DMRT1: variants seen among roughly 807,000 people sequenced by gnomAD.
DMRT1 encodes the protein doublesex and mab-3 related transcription factor 1, also known as doublesex- and mab-3-related transcription factor 1.
DMRT1 carries 7 observed loss-of-function variants against 32.3 expected under a neutral mutation model. The ratio of observed to expected loss-of-function variants is 0.22; its 90% CI spans 0.12 to 0.41. DMRT1 has a LOEUF of 0.41. Ranked by LOEUF, DMRT1 falls within the 10% of genes least tolerant of loss-of-function variation. The probability of loss-of-function intolerance (pLI) is 1.00; values close to 1 mark genes in which losing one functional copy is unlikely to be tolerated. For synonymous variants in DMRT1, 278 were observed against 206.1 expected, an observed-to-expected ratio of 1.35 and a Z score of -2.99; for missense variants, 625 against 500.5, an observed-to-expected ratio of 1.25 and a Z score of -2.37.
chr9:894,114 C>G lies in DMRT1; in HGVS notation c.741C>G (p.Pro247=), dbSNP rs1817258247. ...CTGCTTCTGGGGAGGTGGGAAATCC[C>G]CTCGGGGGATCCCCTGTGAAGAACA... The part of the protein sequence containing the change: ...ADSASGEVGN[P]LGGSPVKNSL... Residue 247 remains proline (P), a synonymous_variant, in exon 3 of 5, where the codon CCC becomes CCG. Transcript: ENST00000382276. 1 of 1,614,248 alleles carries G rather than the reference C, an allele frequency of 6.2e-7. No homozygotes were observed. The highest frequency in any genetic ancestry group is 2.2e-5 in the East Asian group (1 of 44,878).
intron 4 of DMRT1, among the ~76,000 whole-genome samples, chr9:923,037 G>C (rs994682332): frequency 1.3e-5 from 2 of 152,196 alleles, no homozygotes; most frequent in African/African-American, 4.8e-5. Flanking sequence ...TCGTGGACCA[G>C]GGAGTCTAGC....
At chr9:958,285 T>C (rs1030277372) in intron 4 of DMRT1, among the ~76,000 whole-genome samples, 4 of 152,246 alleles carry the variant, frequency 2.6e-5, no homozygotes, top group Non-Finnish European at 1.5e-5. Context: ...TATTTTCAAA[T>C]TATAAGCTGC....
intron 4 of DMRT1, among the ~76,000 whole-genome samples, chr9:923,207 A>G (rs905064005): frequency 2.0e-5 from 3 of 152,200 alleles, no homozygotes; most frequent in Non-Finnish European, 2.9e-5. Context: ...CCAAGTTTGC[A>G]GGTGAGAAAA....
At chr9:950,964 A>G (rs1276654172) in intron 4 of DMRT1, among the ~76,000 whole-genome samples, 2 of 152,342 alleles carry the variant, frequency 1.3e-5, no homozygotes, top group Non-Finnish European at 2.9e-5. Flanking sequence ...TTGGTTTAGG[A>G]TTATAAAAAG....
In DMRT1 at chr9:846,953, C is replaced by T. The variant is rs1838930486; in HGVS notation, c.355-7C>T. 1.2e-6 allele frequency: 2 copies of T among 1,614,104 alleles called. No individual in the cohort carries two copies. The highest frequency in any genetic ancestry group is 4.5e-5 in the East Asian group (2 of 44,878). On this transcript the variant is annotated splice_polypyrimidine_tract_variant and splice_region_variant and intron_variant, in intron 1 of 4. Coordinates refer to ENST00000382276, the MANE Select transcript of DMRT1 (RefSeq NM_021951.3). ...CTGGAGGATGACTCATTGTCGTGTG[C>T]TTCCAGGTGGCCCTGAGAAGGCAGC...
intron 4 of DMRT1, among the ~76,000 whole-genome samples, chr9:960,049 C>G (rs1040488854): frequency 6.6e-6 from 1 of 152,180 alleles, no homozygotes; most frequent in African/African-American, 2.4e-5. Flanking sequence ...TTGTCTTTTA[C>G]CTTGTGGACT....
intron 4 of DMRT1, among the ~76,000 whole-genome samples, chr9:940,368 C>T (rs1819023094): frequency 6.6e-6 from 1 of 151,936 alleles, no homozygotes; most frequent in Non-Finnish European, 1.5e-5. Context: ...ACATAGAGAC[C>T]AATAGACTAG....
chr9:869,656 T>G (rs1391026327), intron 2 of DMRT1, among the ~76,000 whole-genome samples: 2 of 152,236 alleles, frequency 1.3e-5, no homozygotes, highest in Admixed American at 1.3e-4. Flanking sequence ...ATAATTGGCT[T>G]AAAGCTCTCT....
rs113162525 is a variant in DMRT1 at position 953,932 on chromosome 9, G to A, written c.968-14053G>A. Among the ~76,000 whole-genome samples the A allele has an allele frequency of 3.3e-5, 5 of 152,292 alleles. 1 individual carries two copies. The highest frequency in any genetic ancestry group is 1.2e-4 in the African/African-American group (5 of 41,572). ...CCTCTGGTCTGTAGGGGAGTCATTAGATCCATAATGAGAGTGAAAGTGATA... is the reference window on the plus strand; with the variant it reads ...CCTCTGGTCTGTAGGGGAGTCATTAAATCCATAATGAGAGTGAAAGTGATA... On this transcript the variant is annotated intron_variant, in intron 4 of 4. Transcript: ENST00000382276.
intron 2 of DMRT1, among the ~76,000 whole-genome samples, chr9:849,772 G>A (rs1206725195): frequency 7.0e-6 from 1 of 143,208 alleles, no homozygotes; most frequent in Admixed American, 7.1e-5. Context: ...GCACAGGTGG[G>A]CAAGTATGGC....
Position 851,947 on chromosome 9 carries a change from G to GT in DMRT1, c.538+4816dup, listed in dbSNP as rs34497760. Among the ~76,000 whole-genome samples, 106 of 138,084 alleles carry GT rather than the reference G, an allele frequency of 7.7e-4. No individual in the cohort carries two copies. The East Asian group carries it at 0.012, about 15-fold the overall frequency. 90.6% of individuals were successfully genotyped at this position (138,084 alleles called of 152,430 possible). A position where few individuals can be genotyped will look rare whatever the true frequency, so the allele number is the denominator to read the frequency against. On this transcript the variant is annotated intron_variant, in intron 2 of 4. Coordinates refer to ENST00000382276, the MANE Select transcript of DMRT1 (RefSeq NM_021951.3). ...TTGTTAGCAGGTACACTTTTTTTTTGTTTTTTTTTTTTGAGACAGTCTCAC... is the reference window on the plus strand; with the variant it reads ...TTGTTAGCAGGTACACTTTTTTTTTGTTTTTTTTTTTTTGAGACAGTCTCAC...
intron 4 of DMRT1, among the ~76,000 whole-genome samples, chr9:919,650 C>G (rs79555122): frequency 7.9e-5 from 12 of 152,084 alleles, no homozygotes; most frequent in African/African-American, 2.9e-4. Flanking sequence ...GGTTCAAGCA[C>G]AGGGTGATTT....
At chr9:869,926 T>C (rs771968015) in intron 2 of DMRT1, among the ~76,000 whole-genome samples, 1 of 152,182 alleles carries the variant, frequency 6.6e-6, no homozygotes, top group Non-Finnish European at 1.5e-5. Flanking sequence ...AGTTACAGAC[T>C]TGGCTGAACC....
At chr9:856,935 G>A (rs915047248) in intron 2 of DMRT1, among the ~76,000 whole-genome samples, 3 of 152,188 alleles carry the variant, frequency 2.0e-5, no homozygotes, top group African/African-American at 7.2e-5. Flanking sequence ...CAAGCTACAG[G>A]TAATTAAAAC....
chr9:957,464 T>C (rs1819636027), intron 4 of DMRT1, among the ~76,000 whole-genome samples: 1 of 152,242 alleles, frequency 6.6e-6, no homozygotes, highest in African/African-American at 2.4e-5. Context: ...TCTGTGCTGT[T>C]ATTTTCTTAT....
At chr9:900,224 C>T (rs1586588780) in intron 3 of DMRT1, among the ~76,000 whole-genome samples, 1 of 151,920 alleles carries the variant, frequency 6.6e-6, no homozygotes, top group Non-Finnish European at 1.5e-5. Flanking sequence ...AAAAAAGTGC[C>T]CCCTTGTGAG....
chr9:853,522 G>C (rs2132557639), intron 2 of DMRT1, among the ~76,000 whole-genome samples: 1 of 151,020 alleles, frequency 6.6e-6, no homozygotes, highest in South Asian at 2.1e-4. Flanking sequence ...TCCCAGGCTG[G>C]GGTGTAGTGG....
chr9:906,169 G>T (rs898327304), intron 3 of DMRT1, among the ~76,000 whole-genome samples: 6 of 152,098 alleles, frequency 3.9e-5, no homozygotes, highest in African/African-American at 1.4e-4. Flanking sequence ...CTTAGAGTGG[G>T]CAGGGCTTTT....
intron 4 of DMRT1, among the ~76,000 whole-genome samples, chr9:917,363 G>A (rs1818216884): frequency 1.3e-5 from 2 of 152,106 alleles, no homozygotes; most frequent in Admixed American, 6.5e-5. Context: ...ATAGATCTCA[G>A]AGTTTATGCA....
Sources: gnomAD v4.1 joint callset for allele counts (sites outside exome capture counted in the v4.1 genomes callset) on GRCh38, gnomAD v4.1.1 for gene constraint, MANE v1.5 for transcripts, NCBI Gene and HGNC (gene_info 2026-07-23, HGNC 2026-07-21) for gene names.